Variants in PCED1B observed in about 807,000 individuals in gnomAD.
The protein encoded by PCED1B is PC-esterase domain-containing protein 1B.
For synonymous variants in PCED1B, 251 were observed against 246.1 expected (o/e 1.02, Z -0.19); for missense variants, 573 against 573.9 (o/e 1.00, Z 0.02).
intron 2 of PCED1B, among the ~76,000 whole-genome samples, chr12:47,202,972 C>CT (rs59472089): frequency 0.24 from 34,240 of 142,564 alleles, 4,557 homozygotes; most frequent in Non-Finnish European, 0.32. Flanking sequence ...TCTTTTCTTT[C>CT]TTTTTTTTTT....
chr12:47,216,787 G>A (rs190080688), intron 3 of PCED1B, 98 bp downstream of exon 3: 1 of 152,310 alleles, frequency 6.6e-6, no homozygotes, highest in Admixed American at 6.5e-5. Context: ...ACTTACTGTA[G>A]ACAGGAATCA....
At chr12:47,109,304 G>A (rs1023261636) in intron 2 of PCED1B, among the ~76,000 whole-genome samples, 30 of 151,954 alleles carry the variant, frequency 2.0e-4, no homozygotes, top group African/African-American at 6.8e-4. Flanking sequence ...GGCAAGTTGA[G>A]CTATATCAGT....
chr12:47,210,055 T>A (rs1317738114), intron 2 of PCED1B: 1 of 152,192 alleles, frequency 6.6e-6, no homozygotes, highest in African/African-American at 2.4e-5. Context: ...TGTCTTGGGG[T>A]AACCGGGTGG....
At chr12:47,130,180 C>T (rs1225528390) in intron 2 of PCED1B, among the ~76,000 whole-genome samples, 7 of 151,974 alleles carry the variant, frequency 4.6e-5, no homozygotes, top group Non-Finnish European at 1.0e-4. Flanking sequence ...AGTGGTAAGG[C>T]TTTATTTTAA....
At chr12:47,232,865 T>C (rs570555609) in intron 3 of PCED1B, among the ~76,000 whole-genome samples, 1 of 152,186 alleles carries the variant, frequency 6.6e-6, no homozygotes, top group East Asian at 1.9e-4. Context: ...CTTTTATTTA[T>C]TTATGTTGTG....
chr12:47,163,453 T>C (rs1222694415), intron 2 of PCED1B, among the ~76,000 whole-genome samples: 2 of 152,246 alleles, frequency 1.3e-5, no homozygotes, highest in African/African-American at 2.4e-5. Context: ...CTATGTTGAA[T>C]AGAAGTAGCA....
intron 3 of PCED1B, among the ~76,000 whole-genome samples, chr12:47,228,282 C>A (rs148650181): frequency 4.1e-4 from 63 of 152,208 alleles, no homozygotes; most frequent in Middle Eastern, 3.4e-3. Context: ...CCCTTCTTGG[C>A]CTCCCAAAGT....
At chr12:47,098,965 C>T (rs953700232) in intron 1 of PCED1B, among the ~76,000 whole-genome samples, 1 of 152,128 alleles carries the variant, frequency 6.6e-6, no homozygotes, top group African/African-American at 2.4e-5. Flanking sequence ...AAATTGTTGG[C>T]TTAATCTTTA....
At chr12:47,086,758 A>G (rs1319419354) in intron 1 of PCED1B, among the ~76,000 whole-genome samples, 1 of 152,168 alleles carries the variant, frequency 6.6e-6, no homozygotes, top group African/African-American at 2.4e-5. Context: ...AAACGCTATT[A>G]TATCCCTCAA....
chr12:47,222,096 CTA>C (rs1441462113), intron 3 of PCED1B, among the ~76,000 whole-genome samples: 4 of 120,554 alleles, frequency 3.3e-5, no homozygotes, highest in Non-Finnish European at 6.7e-5. Context: ...GAGTGAGACT[CTA>C]TCTCTTAAAA....
chr12:47,160,665 A>ATGCTAT (rs1278917203), intron 2 of PCED1B, among the ~76,000 whole-genome samples: 6 of 152,042 alleles, frequency 3.9e-5, no homozygotes. Flanking sequence ...CAATGTTTTG[A>ATGCTAT]TGCTATTTTC....
intron 2 of PCED1B, among the ~76,000 whole-genome samples, chr12:47,168,378 T>C (rs1258905418): frequency 1.3e-5 from 2 of 152,214 alleles, no homozygotes; most frequent in Non-Finnish European, 2.9e-5. Context: ...TCTTATAATG[T>C]TTTCAGTGTC....
At chr12:47,132,423 C>T (rs1940171113) in intron 2 of PCED1B, among the ~76,000 whole-genome samples, 1 of 152,026 alleles carries the variant, frequency 6.6e-6, no homozygotes, top group Non-Finnish European at 1.5e-5. Flanking sequence ...ACAAATACCC[C>T]TGTGTAAATG....
At chr12:47,090,744 A>C (rs748765842) in intron 1 of PCED1B, among the ~76,000 whole-genome samples, 2 of 152,116 alleles carry the variant, frequency 1.3e-5, no homozygotes, top group African/African-American at 2.4e-5. Context: ...TATGTTGGAG[A>C]GATTCATCCA....
intron 2 of PCED1B, chr12:47,135,964 A>G (rs1940347670): frequency 1.2e-5 from 2 of 173,556 alleles, no homozygotes; most frequent in Non-Finnish European, 2.4e-5. Flanking sequence ...AAAAAAAAAG[A>G]TTTTTATAGA....
intron 2 of PCED1B, among the ~76,000 whole-genome samples, chr12:47,157,942 G>T (rs1273156326): frequency 6.6e-6 from 1 of 152,164 alleles, no homozygotes; most frequent in Non-Finnish European, 1.5e-5. Context: ...ATATCCTCAA[G>T]TTCATCCATG....
chr12:47,115,111 A>G (rs1410693591), intron 2 of PCED1B, among the ~76,000 whole-genome samples: 1 of 152,246 alleles, frequency 6.6e-6, no homozygotes, highest in Non-Finnish European at 1.5e-5. Context: ...CAGGTTATCA[A>G]TAAATACTTA....
At chr12:47,143,843 T>A (rs139024864) in intron 2 of PCED1B, among the ~76,000 whole-genome samples, 59 of 152,208 alleles carry the variant, frequency 3.9e-4, no homozygotes, top group Middle Eastern at 3.4e-3. Context: ...AATAGTATGG[T>A]ACTGGTGTAA....
At chr12:47,095,349 T>A (rs977177684) in intron 1 of PCED1B, among the ~76,000 whole-genome samples, 2 of 152,170 alleles carry the variant, frequency 1.3e-5, no homozygotes, top group Non-Finnish European at 2.9e-5. Context: ...TTTCTTTTTT[T>A]TCTTCTGGCT....
Sources: allele counts gnomAD v4.1 joint callset (sites outside exome capture counted in the v4.1 genomes callset), GRCh38; gene constraint gnomAD v4.1.1; transcripts MANE v1.5; gene names NCBI Gene and HGNC (gene_info 2026-07-23, HGNC 2026-07-21).